The following SPOCK1 variants were observed in gnomAD, a reference collection of about 807,000 sequenced individuals.
SPOCK1 encodes the protein SPARC (osteonectin), cwcv and kazal like domains proteoglycan 1.
SPOCK1 carries 23 observed loss-of-function variants against 55.3 expected under a neutral mutation model. The ratio of observed to expected loss-of-function variants is 0.42; its 90% CI spans 0.30 to 0.59. The LOEUF (loss-of-function observed/expected upper bound fraction) is 0.59, where lower values mean the gene tolerates loss of function less well. Among genes scored for constraint, SPOCK1 ranks in the 20% least tolerant of loss-of-function variants. SPOCK1 has a pLI of 0.22. For missense variants in SPOCK1, 499 were observed against 552.5 expected (o/e 0.90, Z 0.97); for synonymous variants, 226 against 221.0 (o/e 1.02, Z -0.20).
intron 3 of SPOCK1, among the ~76,000 whole-genome samples, chr5:137,245,779 A>AC (rs1401758778): frequency 1.0e-4 from 12 of 119,248 alleles, no homozygotes. Context: ...AACAAAACAA[A>AC]AAAAAAACAA....
intron 2 of SPOCK1, among the ~76,000 whole-genome samples, chr5:137,274,108 T>G (rs577146806): frequency 4.6e-5 from 7 of 152,194 alleles, no homozygotes; most frequent in Non-Finnish European, 1.0e-4. Flanking sequence ...CCCCAAAATA[T>G]GCCCTGTGTT....
chr5:137,467,344 T>C (rs764376790), intron 2 of SPOCK1, among the ~76,000 whole-genome samples: 2 of 152,180 alleles, frequency 1.3e-5, no homozygotes, highest in Non-Finnish European at 2.9e-5. Context: ...TTCTTAAAGG[T>C]GTACCTATTG....
At chr5:137,323,576 C>T (rs540224148) in intron 2 of SPOCK1, among the ~76,000 whole-genome samples, 94 of 152,022 alleles carry the variant, frequency 6.2e-4, no homozygotes, top group African/African-American at 2.1e-3. Context: ...AAATAACAAG[C>T]CATACTTTAG....
chr5:137,140,701 C>A lies in SPOCK1; in HGVS notation c.233-7G>T. 6.6e-7 allele frequency: 1 copy of A among 1,514,680 alleles called. No individual in the cohort carries two copies. Among genetic ancestry groups the A allele is most frequent in the Non-Finnish European group, 8.9e-7 (1 of 1,123,674 alleles). The allele number at this position is 1,514,680 out of a possible 1,614,324, so 93.8% of individuals were successfully genotyped here. A position where few individuals can be genotyped will look rare whatever the true frequency, so the allele number is the denominator to read the frequency against. On this transcript the variant is annotated splice_region_variant and splice_polypyrimidine_tract_variant and intron_variant, in intron 3 of 10. Transcript: ENST00000394945. ...TCCTTGGATGGGTCCAGGGCTGAGG[C>A]AAAAACAAGAAGGAGGGCAGGGTTT...
At chr5:137,064,085 A>G (rs17170910) in intron 6 of SPOCK1, among the ~76,000 whole-genome samples, 4,544 of 152,152 alleles carry the variant, frequency 0.03, 110 homozygotes, top group East Asian at 0.095. Context: ...AGGTGAGTAC[A>G]GGTCTCTCGG....
intron 3 of SPOCK1, among the ~76,000 whole-genome samples, chr5:137,189,846 C>T (rs1248183887): frequency 4.0e-5 from 6 of 151,742 alleles, no homozygotes; most frequent in African/African-American, 7.3e-5. Flanking sequence ...TAGTGATTTA[C>T]GGGAGGAAGT....
chr5:137,437,171 G>A (rs1019833588), intron 2 of SPOCK1, among the ~76,000 whole-genome samples: 11 of 152,064 alleles, frequency 7.2e-5, no homozygotes, highest in Non-Finnish European at 1.0e-4. Context: ...ACACTTTCCC[G>A]CCACTCCTCA....
intron 3 of SPOCK1, among the ~76,000 whole-genome samples, chr5:137,265,989 T>C (rs571418773): frequency 1.3e-5 from 2 of 152,270 alleles, no homozygotes; most frequent in African/African-American, 4.8e-5. Context: ...AATGAAAAAA[T>C]TGTTACACTA....
At chr5:137,123,511 C>G (rs1753724145) in intron 4 of SPOCK1, among the ~76,000 whole-genome samples, 1 of 152,160 alleles carries the variant, frequency 6.6e-6, no homozygotes, top group Admixed American at 6.5e-5. Context: ...CTTGTACAGA[C>G]AAGATGCTCA....
chr5:137,038,897 C>T (rs982512259), intron 6 of SPOCK1, among the ~76,000 whole-genome samples: 5 of 152,188 alleles, frequency 3.3e-5, no homozygotes, highest in African/African-American at 1.2e-4. Flanking sequence ...ATCAGTATGT[C>T]CTACTATATG....
At chr5:137,411,436 G>A (rs549300217) in intron 2 of SPOCK1, among the ~76,000 whole-genome samples, 169 of 152,238 alleles carry the variant, frequency 1.1e-3, no homozygotes, top group African/African-American at 3.8e-3. Context: ...AATCACCAAG[G>A]ACCTTGTTGG....
intron 6 of SPOCK1, among the ~76,000 whole-genome samples, chr5:137,010,258 A>AG (rs892174802): frequency 6.6e-6 from 1 of 152,104 alleles, no homozygotes; most frequent in African/African-American, 2.4e-5. Context: ...TGCAAAGGGA[A>AG]GAATGTGAAT....
intron 6 of SPOCK1, among the ~76,000 whole-genome samples, chr5:137,030,797 C>T (rs1344657408): frequency 6.6e-6 from 1 of 152,108 alleles, no homozygotes; most frequent in Non-Finnish European, 1.5e-5. Context: ...ATAATGCTAA[C>T]AAAATATTTT....
chr5:137,037,165 CATGCCTCCCCAAGAACCAGAAGGAG>C (rs1751900788), intron 6 of SPOCK1, among the ~76,000 whole-genome samples: 1 of 151,912 alleles, frequency 6.6e-6, no homozygotes, highest in South Asian at 2.1e-4. Context: ...GACAGGAGCC[CATGCCTCCCCAAGAACCAGAAGGAG>C]ATGCCTCTGA....
intron 3 of SPOCK1, among the ~76,000 whole-genome samples, chr5:137,194,963 C>T (rs561822452): frequency 5.9e-5 from 9 of 152,286 alleles, no homozygotes; most frequent in African/African-American, 9.6e-5. Context: ...ATGAAAACAA[C>T]GTGCTGAGAG....
intron 3 of SPOCK1, among the ~76,000 whole-genome samples, chr5:137,235,180 ATGT>A (rs1756153639): frequency 1.3e-5 from 2 of 152,184 alleles, no homozygotes. Flanking sequence ...TTGATGTAGG[ATGT>A]TGTAAGGAAT....
intron 2 of SPOCK1, among the ~76,000 whole-genome samples, chr5:137,356,796 A>ATTT (rs1285194690): frequency 2.0e-5 from 1 of 49,380 alleles, no homozygotes; most frequent in Non-Finnish European, 3.9e-5. Flanking sequence ...CTCAAAAAAA[A>ATTT]TAATATATAT....
At chr5:137,153,777 G>A (rs193077574) in intron 3 of SPOCK1, among the ~76,000 whole-genome samples, 2 of 151,894 alleles carry the variant, frequency 1.3e-5, no homozygotes, top group Middle Eastern at 3.2e-3. Flanking sequence ...AGGATCCCTT[G>A]AGCCCAGGAG....
intron 2 of SPOCK1, among the ~76,000 whole-genome samples, chr5:137,404,410 C>CTTTT (rs67369576): frequency 1.7e-5 from 2 of 117,402 alleles, no homozygotes; most frequent in Non-Finnish European, 3.6e-5. Flanking sequence ...TTCAAAATGA[C>CTTTT]TTTTTTTTTT....
Sources: gnomAD v4.1 joint callset for allele counts (sites outside exome capture counted in the v4.1 genomes callset) on GRCh38, gnomAD v4.1.1 for gene constraint, MANE v1.5 for transcripts, NCBI Gene and HGNC (gene_info 2026-07-23, HGNC 2026-07-21) for gene names.